CSPP1: variants seen among roughly 807,000 people sequenced by gnomAD.
The protein encoded by CSPP1 is centrosome and spindle pole associated protein 1, also known as centrosome and spindle pole-associated protein 1.
In CSPP1, 126 loss-of-function variants were observed where a neutral mutation model predicts 164.4. The ratio of observed to expected loss-of-function variants is 0.77; its 90% CI spans 0.66 to 0.89. The LOEUF is 0.89. Among genes scored for constraint, CSPP1 ranks in the 40% least tolerant of loss-of-function variants. The pLI is 0.00. For synonymous variants in CSPP1, 472 were observed against 476.7 expected, an observed-to-expected ratio of 0.99 and a Z score of 0.13; for missense variants, 1,395 against 1,449.8, an observed-to-expected ratio of 0.96 and a Z score of 0.61.
At position 67,193,607 on chromosome 8, in the gene CSPP1, A is replaced by G. The variant is rs1198314979; in HGVS notation, c.3469+5A>G. ...ACAATAAACCTATTAATACAGGTAAATGACCAAGTGTAATGGCCTATAGTA... is the reference window on the plus strand; with the variant it reads ...ACAATAAACCTATTAATACAGGTAAGTGACCAAGTGTAATGGCCTATAGTA... On this transcript the variant is annotated splice_donor_5th_base_variant and intron_variant, in intron 30 of 30. Transcript: ENST00000678616. 1 of 1,612,076 alleles carries G rather than the reference A, an allele frequency of 6.2e-7. No individual in the cohort carries two copies. The highest frequency in any genetic ancestry group is 1.7e-5 in the Admixed American group (1 of 59,998).
intron 3 of CSPP1, among the ~76,000 whole-genome samples, chr8:67,083,315 TGAGGTCAG>T (rs1809594768): frequency 6.6e-6 from 1 of 151,486 alleles, no homozygotes; most frequent in Non-Finnish European, 1.5e-5. Flanking sequence ...GGGCGGATCA[TGAGGTCAG>T]GAGTTTGAGA....
chr8:67,151,278 A>G (rs1309284281), intron 18 of CSPP1, among the ~76,000 whole-genome samples: 3 of 152,202 alleles, frequency 2.0e-5, no homozygotes, highest in Admixed American at 2.0e-4. Context: ...TGATTTTGAC[A>G]ATATTATTGA....
At chr8:67,188,792 T>C (rs1170870825) in intron 28 of CSPP1, among the ~76,000 whole-genome samples, 1 of 152,198 alleles carries the variant, frequency 6.6e-6, no homozygotes, top group African/African-American at 2.4e-5. Context: ...AGGCTTGCCA[T>C]TGTTCCTGCA....
chr8:67,146,322 CTT>C (rs968730218), intron 17 of CSPP1, among the ~76,000 whole-genome samples: 1 of 151,752 alleles, frequency 6.6e-6, no homozygotes, highest in South Asian at 2.1e-4. Context: ...CAGGGTCTCA[CTT>C]TTTTGCCCAG....
intron 3 of CSPP1, among the ~76,000 whole-genome samples, chr8:67,083,156 T>G (rs1484927090): frequency 1.3e-5 from 2 of 152,214 alleles, no homozygotes; most frequent in Non-Finnish European, 2.9e-5. Context: ...GCATTATATA[T>G]TGTTACTTGT....
intron 16 of CSPP1, among the ~76,000 whole-genome samples, chr8:67,133,161 C>T (rs1423320874): frequency 1.3e-5 from 2 of 152,184 alleles, no homozygotes; most frequent in Non-Finnish European, 2.9e-5. Context: ...GTGATGACTT[C>T]TTTGGCTATG....
intron 28 of CSPP1, among the ~76,000 whole-genome samples, chr8:67,183,285 A>G (rs1247033452): frequency 6.6e-6 from 1 of 152,364 alleles, no homozygotes; most frequent in African/African-American, 2.4e-5. Context: ...CAGCAACACC[A>G]TCAACCAACT....
intron 22 of CSPP1, among the ~76,000 whole-genome samples, chr8:67,162,835 A>C (rs943318701): frequency 1.3e-5 from 2 of 152,162 alleles, no homozygotes; most frequent in African/African-American, 4.8e-5. Flanking sequence ...GTAGGAGTCT[A>C]TGATAACTTT....
At chr8:67,076,719 G>A (rs2129541693) in intron 3 of CSPP1, 138 bp downstream of exon 3, 2 of 495,116 alleles carry the variant, frequency 4.0e-6, no homozygotes, top group Non-Finnish European at 7.1e-6. Context: ...AAGTCAATAT[G>A]GTCTACATAT....
chr8:67,190,448 G>A (rs548091382), intron 28 of CSPP1, among the ~76,000 whole-genome samples: 26 of 152,248 alleles, frequency 1.7e-4, no homozygotes, highest in Middle Eastern at 6.8e-3. Flanking sequence ...TGTTTAAGGT[G>A]ATGAAAATGT....
At chr8:67,066,472 G>C (rs1409730666) in intron 1 of CSPP1, among the ~76,000 whole-genome samples, 1 of 151,658 alleles carries the variant, frequency 6.6e-6, no homozygotes, top group Non-Finnish European at 1.5e-5. Flanking sequence ...ACCTGTTCTA[G>C]GTCCTGTTCC....
intron 15 of CSPP1, among the ~76,000 whole-genome samples, chr8:67,126,744 A>G (rs1292602854): frequency 2.0e-5 from 3 of 152,128 alleles, no homozygotes; most frequent in Non-Finnish European, 4.4e-5. Flanking sequence ...TCAAGACCCC[A>G]TGGGCATGTT....
rs534996163 is a variant in CSPP1, at chr8:67,144,309, T to C, written c.1976-5474T>C. Among the ~76,000 whole-genome samples, 220 of 152,340 alleles carry C rather than the reference T, an allele frequency of 1.4e-3. 1 individual carries two copies. The highest frequency in any genetic ancestry group is 1.9e-3 in the Non-Finnish European group (129 of 68,018). On this transcript the variant is annotated intron_variant, in intron 17 of 30. Coordinates refer to ENST00000678616, the MANE Select transcript of CSPP1 (RefSeq NM_001382391.1). ...TGTCTTTTATACGTGTTGTAGAATT[T>C]GATTTGCTAGTATTTTGTTAGAGAT...
In CSPP1 at chr8:67,175,357, C is replaced by T. The variant is rs1249433817; in HGVS notation, c.3030C>T (p.Thr1010=). 1.2e-6 allele frequency: 2 copies of T among 1,613,812 alleles called. No homozygotes were observed. The highest frequency in any genetic ancestry group is 1.3e-5 in the African/African-American group (1 of 74,894). The change falls in exon 26 of 31, where the codon ACC becomes ACT. Residue 1010 remains threonine, a synonymous_variant. Coordinates refer to ENST00000678616, the MANE Select transcript of CSPP1 (RefSeq NM_001382391.1). ...MYLDPPRDHH[T]LEIQQQALLR... ...TGGATCCTCCAAGAGATCATCACAC[C>T]TTAGAGATTCAGCAGCAAGCCCTGC...
At chr8:67,112,876 GTCTT>G (rs1458663218) in intron 10 of CSPP1, among the ~76,000 whole-genome samples, 1 of 152,146 alleles carries the variant, frequency 6.6e-6, no homozygotes, top group Non-Finnish European at 1.5e-5. Context: ...ATTGTTTGTA[GTCTT>G]TCTTGTTGAA....
chr8:67,132,177 A>G (rs1280868354), intron 16 of CSPP1, 97 bp downstream of exon 16: 8 of 1,204,448 alleles, frequency 6.6e-6, no homozygotes, highest in Non-Finnish European at 9.1e-6. Flanking sequence ...GAAAAAAAAC[A>G]GTTAATTATA....
chr8:67,080,212 A>G (rs747022243), intron 3 of CSPP1, among the ~76,000 whole-genome samples: 1 of 152,220 alleles, frequency 6.6e-6, no homozygotes, highest in East Asian at 1.9e-4. Flanking sequence ...AATATAGGTC[A>G]GATTTGGAAA....
intron 1 of CSPP1, 22 bp downstream of exon 1, chr8:67,064,560 G>A: frequency 5.1e-6 from 8 of 1,584,050 alleles, no homozygotes; most frequent in Non-Finnish European, 6.0e-6. Context: ...GGTGGTGTAG[G>A]TTGAGGGTGG....
At chr8:67,078,920 C>T (rs1024806239) in intron 3 of CSPP1, among the ~76,000 whole-genome samples, 4 of 151,894 alleles carry the variant, frequency 2.6e-5, no homozygotes, top group African/African-American at 7.3e-5. Context: ...TTGCAGTGAC[C>T]GAGATCATGC....
Sources: allele counts gnomAD v4.1 joint callset (sites outside exome capture counted in the v4.1 genomes callset), GRCh38; gene constraint gnomAD v4.1.1; transcripts MANE v1.5; gene names NCBI Gene and HGNC (gene_info 2026-07-23, HGNC 2026-07-21).